Variants in EML5 observed in about 807,000 individuals in gnomAD.
The protein encoded by EML5 is echinoderm microtubule-associated protein-like 5.
In EML5, 120 loss-of-function variants were observed where a neutral mutation model predicts 250.0. The ratio of observed to expected loss-of-function variants is 0.48; its 90% CI spans 0.41 to 0.56. The LOEUF (loss-of-function observed/expected upper bound fraction) is 0.56. Ranked by LOEUF, EML5 falls within the 20% of genes least tolerant of loss-of-function variation. The pLI is 0.00. For synonymous variants in EML5, 771 were observed against 806.5 expected, an observed-to-expected ratio of 0.96 and a Z score of 0.75; for missense variants, 2,006 against 2,437.6, an observed-to-expected ratio of 0.82 and a Z score of 3.73.
chr14:88,788,536 TA>T (rs36066768), intron 1 of EML5, among the ~76,000 whole-genome samples: 6,419 of 141,864 alleles, frequency 0.045, 325 homozygotes, highest in African/African-American at 0.13. Flanking sequence ...TTCACTATGT[TA>T]AAAAAAAAAA....
At chr14:88,767,663 T>C (rs2094338243) in intron 1 of EML5, among the ~76,000 whole-genome samples, 1 of 152,204 alleles carries the variant, frequency 6.6e-6, no homozygotes, top group Non-Finnish European at 1.5e-5. Flanking sequence ...ATTTTCTTAA[T>C]GGTATATTTA....
chr14:88,679,913 T>C (rs1218544378), intron 21 of EML5, among the ~76,000 whole-genome samples: 1 of 152,154 alleles, frequency 6.6e-6, no homozygotes. Context: ...AAGGGCCTTT[T>C]AGGCCATTGG....
At chr14:88,629,540 A>G (rs1269211625) in intron 33 of EML5, among the ~76,000 whole-genome samples, 1 of 152,186 alleles carries the variant, frequency 6.6e-6, no homozygotes, top group Non-Finnish European at 1.5e-5. Context: ...ATGTTTATTA[A>G]GTATATTATA....
At chr14:88,688,531 A>C in intron 17 of EML5, 58 bp from the exon 18 acceptor site, 1 of 1,559,484 alleles carries the variant, frequency 6.4e-7, no homozygotes, top group Non-Finnish European at 8.8e-7. Flanking sequence ...AATTATAAAG[A>C]AGCAAAGTTT....
intron 8 of EML5, among the ~76,000 whole-genome samples, chr14:88,720,724 G>C (rs1366136440): frequency 6.6e-6 from 1 of 152,150 alleles, no homozygotes; most frequent in African/African-American, 2.4e-5. Context: ...ACAAGACAAG[G>C]ATGTCCTCTC....
intron 5 of EML5, among the ~76,000 whole-genome samples, chr14:88,739,384 A>G (rs2093891768): frequency 6.6e-6 from 1 of 152,196 alleles, no homozygotes; most frequent in Admixed American, 6.5e-5. Context: ...GAGTATGTGT[A>G]GATTTTGGTA....
intron 1 of EML5, among the ~76,000 whole-genome samples, chr14:88,789,233 T>A (rs2094582275): frequency 6.6e-6 from 1 of 152,090 alleles, no homozygotes; most frequent in Non-Finnish European, 1.5e-5. Flanking sequence ...TTTTATAGAT[T>A]TATAGATTTT....
At position 88,639,123 on chromosome 14, in the gene EML5, C is replaced by T. The variant is rs193062444; in HGVS notation, c.4238-216G>A. Among the ~76,000 whole-genome samples the T allele has an allele frequency of 1.5e-3, 236 of 152,258 alleles. 1 individual carries two copies. The highest frequency in any genetic ancestry group is 5.2e-3 in the African/African-American group (214 of 41,550). ...AAGGGATAAACAATACAGTACAAGG[C>T]TGAAGATTCCAAGTGCCACAAGAGA... On this transcript the variant is annotated intron_variant, in intron 31 of 43. Transcript: ENST00000554922.
chr14:88,649,758 A>C (rs1052942972), intron 28 of EML5, among the ~76,000 whole-genome samples, 154 bp downstream of exon 28: 1 of 151,966 alleles, frequency 6.6e-6, no homozygotes, highest in Non-Finnish European at 1.5e-5. Flanking sequence ...TAAAAATGCA[A>C]CTCTTTTATA....
chr14:88,710,334 T>C (rs2093384748), intron 10 of EML5, among the ~76,000 whole-genome samples: 1 of 152,226 alleles, frequency 6.6e-6, no homozygotes, highest in African/African-American at 2.4e-5. Context: ...AATGATTCTA[T>C]AACATAAACT....
intron 13 of EML5, among the ~76,000 whole-genome samples, chr14:88,702,849 G>A (rs913463752): frequency 6.6e-6 from 1 of 152,064 alleles, no homozygotes; most frequent in Non-Finnish European, 1.5e-5. Context: ...TGACCACCTA[G>A]GCTCAAACGA....
At chr14:88,621,693 C>G in intron 37 of EML5, 1 of 273,310 alleles carries the variant, frequency 3.7e-6, no homozygotes. Flanking sequence ...AATATGCAGG[C>G]TGAAGATAAT....
At chr14:88,725,387 G>A (rs1595680453) in intron 8 of EML5, among the ~76,000 whole-genome samples, 1 of 152,206 alleles carries the variant, frequency 6.6e-6, no homozygotes, top group South Asian at 2.1e-4. Context: ...ACGTGTAGAG[G>A]CTCAGAAGTA....
chr14:88,633,328 C>G (rs1340339306), intron 33 of EML5, among the ~76,000 whole-genome samples: 1 of 151,908 alleles, frequency 6.6e-6, no homozygotes, highest in Non-Finnish European at 1.5e-5. Flanking sequence ...TGCTGTTGCC[C>G]AGGCTGGACT....
At chr14:88,763,890 T>C (rs193079541) in intron 1 of EML5, among the ~76,000 whole-genome samples, 2 of 152,360 alleles carry the variant, frequency 1.3e-5, no homozygotes, top group Admixed American at 1.3e-4. Context: ...GATGCTTTTA[T>C]AGCCGGGTTA....
intron 14 of EML5, among the ~76,000 whole-genome samples, chr14:88,699,955 T>C (rs186867589): frequency 3.0e-4 from 45 of 152,182 alleles, no homozygotes; most frequent in African/African-American, 1.1e-3. Flanking sequence ...TATATCTATA[T>C]ATACACACAC....
chr14:88,732,597 G>A (rs1182647501), intron 7 of EML5, among the ~76,000 whole-genome samples: 1 of 152,178 alleles, frequency 6.6e-6, no homozygotes, highest in Non-Finnish European at 1.5e-5. Context: ...CTTCTGTGAA[G>A]AAAGTCATTG....
chr14:88,618,172 A>AT lies in EML5; in HGVS notation c.5642+55dup. The AT allele has an allele frequency of 5.4e-6, 8 of 1,469,344 alleles. No individual in the cohort carries two copies. The South Asian group carries it at 8.1e-5, about 15-fold the overall frequency. The allele number at this position is 1,469,344 out of a possible 1,614,324, so 91.0% of individuals were successfully genotyped here. On this transcript the variant is annotated intron_variant, in intron 41 of 43. Coordinates refer to ENST00000554922, the MANE Select transcript of EML5 (RefSeq NM_183387.3). ...ATGGCTCTAACAGTTCAGAAATAGG[A>AT]TTTTCTAACTGGCCTTCAAAGTCAG...
intron 14 of EML5, among the ~76,000 whole-genome samples, chr14:88,702,136 C>T (rs1261004744): frequency 6.6e-6 from 1 of 151,940 alleles, no homozygotes; most frequent in Non-Finnish European, 1.5e-5. Flanking sequence ...CCTAAAGACA[C>T]CAGATTTCTA....
Sources: gnomAD v4.1 joint callset for allele counts (sites outside exome capture counted in the v4.1 genomes callset) on GRCh38, gnomAD v4.1.1 for gene constraint, MANE v1.5 for transcripts, NCBI Gene and HGNC (gene_info 2026-07-23, HGNC 2026-07-21) for gene names.